Variants in SUGCT observed in about 807,000 individuals in gnomAD.
The protein encoded by SUGCT is succinyl-CoA:glutarate-CoA transferase, also known as succinyl-CoA:glutarate CoA-transferase.
A neutral mutation model predicts 55.0 loss-of-function variants in SUGCT; 41 were observed. The ratio of observed to expected loss-of-function variants is 0.74; its 90% CI spans 0.58 to 0.97. The LOEUF is 0.97. Ranked by LOEUF, SUGCT falls within the 50% of genes least tolerant of loss-of-function variation. The pLI is 0.00. For missense variants in SUGCT, 568 were observed against 547.8 expected (o/e 1.04, Z -0.37); for synonymous variants, 187 against 200.4 (o/e 0.93, Z 0.56).
intron 9 of SUGCT, among the ~76,000 whole-genome samples, chr7:40,435,453 T>C (rs1788119400): frequency 6.6e-6 from 1 of 152,206 alleles, no homozygotes; most frequent in African/African-American, 2.4e-5. Flanking sequence ...CCAAGGCTTA[T>C]AATGTCTCAT....
intron 9 of SUGCT, among the ~76,000 whole-genome samples, chr7:40,333,371 T>G (rs1796434335): frequency 6.6e-6 from 1 of 151,772 alleles, no homozygotes; most frequent in Non-Finnish European, 1.5e-5. Flanking sequence ...GCGTGGTGGC[T>G]CACACCTATA....
At chr7:40,730,592 A>G (rs571439072) in intron 12 of SUGCT, among the ~76,000 whole-genome samples, 10 of 152,320 alleles carry the variant, frequency 6.6e-5, no homozygotes, top group African/African-American at 2.2e-4. Flanking sequence ...TCAAAATGCA[A>G]TACGTTATTA....
chr7:40,650,534 ATC>A (rs1340709294), intron 12 of SUGCT, among the ~76,000 whole-genome samples: 1 of 152,114 alleles, frequency 6.6e-6, no homozygotes, highest in Admixed American at 6.5e-5. Flanking sequence ...TCCTCTTATA[ATC>A]TGTTAGGCAG....
the SUGCT span, among the ~76,000 whole-genome samples, chr7:40,955,489 A>C: frequency 7.2e-5 from 11 of 152,098 alleles, no homozygotes; most frequent in South Asian, 2.1e-4. Flanking sequence ...ATTTTGTATC[A>C]TGAGACTTTG....
intron 12 of SUGCT, among the ~76,000 whole-genome samples, chr7:40,654,413 C>T (rs552074220): frequency 2.2e-4 from 33 of 152,278 alleles, no homozygotes; most frequent in African/African-American, 7.7e-4. Flanking sequence ...CCTTGACAAG[C>T]TTTAGCACAC....
At chr7:40,720,171 T>C (rs1434161488) in intron 12 of SUGCT, among the ~76,000 whole-genome samples, 1 of 152,200 alleles carries the variant, frequency 6.6e-6, no homozygotes, top group Non-Finnish European at 1.5e-5. Context: ...CTTAACCTCA[T>C]GTGATTTTAG....
intron 9 of SUGCT, among the ~76,000 whole-genome samples, chr7:40,355,755 A>G (rs1049141837): frequency 2.0e-5 from 3 of 152,246 alleles, no homozygotes; most frequent in African/African-American, 2.4e-5. Flanking sequence ...AGTGTTCCCT[A>G]TCATTAGAAT....
intron 13 of SUGCT, among the ~76,000 whole-genome samples, chr7:40,754,995 A>C (rs1037224593): frequency 2.6e-5 from 4 of 152,226 alleles, no homozygotes; most frequent in African/African-American, 9.6e-5. Flanking sequence ...AATCAGATAC[A>C]TGAACAATGT....
At position 40,135,006 on chromosome 7, in the gene SUGCT, T is replaced by C. The variant is rs1787594722; in HGVS notation, c.-15T>C. On this transcript the variant is annotated 5_prime_UTR_variant, in exon 1 of 14. Transcript: ENST00000335693. ...GCCGCTTGCACCGGGACCGATGCCA[T>C]CTGAGACGCACGCGATGCTGGCGAC... is the stretch of plus-strand genomic sequence containing the variant. 2 of 1,556,298 alleles carry C rather than the reference T, an allele frequency of 1.3e-6. No individual in the cohort carries two copies. The highest frequency in any genetic ancestry group is 2.8e-5 in the African/African-American group (2 of 72,576).
At chr7:40,522,831 G>T (rs1793610413) in intron 12 of SUGCT, among the ~76,000 whole-genome samples, 1 of 152,054 alleles carries the variant, frequency 6.6e-6, no homozygotes, top group Non-Finnish European at 1.5e-5. Flanking sequence ...TCTGCCTCTT[G>T]TTGAGGGTTT....
At chr7:40,386,036 A>C (rs1344078536) in intron 9 of SUGCT, among the ~76,000 whole-genome samples, 3 of 152,240 alleles carry the variant, frequency 2.0e-5, no homozygotes, top group Non-Finnish European at 4.4e-5. Context: ...CACACAAAGA[A>C]GTAAGAGTAA....
At chr7:40,478,827 A>G (rs1325983620) in intron 11 of SUGCT, among the ~76,000 whole-genome samples, 1 of 152,140 alleles carries the variant, frequency 6.6e-6, no homozygotes, top group Non-Finnish European at 1.5e-5. Flanking sequence ...TCCCTCTCCC[A>G]TAATCAAATC....
chr7:40,287,729 GCTCAAGTGATC>G (rs1232339402), intron 8 of SUGCT, among the ~76,000 whole-genome samples: 2 of 151,996 alleles, frequency 1.3e-5, no homozygotes, highest in African/African-American at 4.8e-5. Flanking sequence ...AAACTCCTGA[GCTCAAGTGATC>G]CTCCTGTCTT....
At chr7:40,275,422 A>T (rs894111779) in intron 8 of SUGCT, among the ~76,000 whole-genome samples, 31 of 152,210 alleles carry the variant, frequency 2.0e-4, no homozygotes, top group African/African-American at 7.5e-4. Context: ...TGGAAAAATC[A>T]ATTTTGCATT....
intron 13 of SUGCT, among the ~76,000 whole-genome samples, chr7:40,754,047 G>T (rs967012176): frequency 2.0e-5 from 3 of 152,156 alleles, no homozygotes; most frequent in Non-Finnish European, 2.9e-5. Flanking sequence ...GTTTACAGAT[G>T]ATCTGGTTAA....
At chr7:40,311,776 TA>T in intron 8 of SUGCT, among the ~76,000 whole-genome samples, 1 of 152,300 alleles carries the variant, frequency 6.6e-6, no homozygotes, top group African/African-American at 2.4e-5. Flanking sequence ...GTACCTAGAG[TA>T]AAGCCTTACA....
intron 9 of SUGCT, among the ~76,000 whole-genome samples, chr7:40,392,087 G>A (rs910023127): frequency 6.6e-6 from 1 of 152,142 alleles, no homozygotes. Context: ...TGAACAATGA[G>A]AATACTTGGA....
the SUGCT span, among the ~76,000 whole-genome samples, chr7:40,868,084 T>G: frequency 1.3e-5 from 2 of 152,204 alleles, no homozygotes; most frequent in Non-Finnish European, 2.9e-5. Context: ...CCTTCAAGGA[T>G]AGTCACCATC....
the SUGCT span, among the ~76,000 whole-genome samples, chr7:40,925,634 C>A: frequency 6.6e-6 from 1 of 152,048 alleles, no homozygotes; most frequent in African/African-American, 2.4e-5. Context: ...TCTGGAGAAA[C>A]CCCAGTTGAG....
Sources: gnomAD v4.1 joint callset for allele counts (sites outside exome capture counted in the v4.1 genomes callset) on GRCh38, gnomAD v4.1.1 for gene constraint, MANE v1.5 for transcripts, NCBI Gene and HGNC (gene_info 2026-07-23, HGNC 2026-07-21) for gene names.